ANKRD10: variants seen among roughly 807,000 people sequenced by gnomAD.
The protein encoded by ANKRD10 is ankyrin repeat domain-containing protein 10.
Under a neutral mutation model 27.0 loss-of-function variants are expected in ANKRD10, and 14 were observed. That is an observed-to-expected ratio of 0.52 (90% CI 0.34 to 0.81). The LOEUF (loss-of-function observed/expected upper bound fraction) is 0.81, where lower values mean the gene tolerates loss of function less well. ANKRD10 is among the 40% of genes least tolerant of loss of function. The pLI, the probability that ANKRD10 is intolerant of heterozygous loss-of-function variation, is 0.01. For missense variants in ANKRD10, 493 were observed against 544.0 expected, an observed-to-expected ratio of 0.91 and a Z score of 0.93; for synonymous variants, 250 against 224.5, an observed-to-expected ratio of 1.11 and a Z score of -1.01.
In ANKRD10 at chr13:110,906,034, C is replaced by G. The variant is rs145034489; in HGVS notation, c.454G>C (p.Asp152His). ...AAAGAATAAACGAAAGACACTTACT[C>G]GACGTGAGCCCCATTCGCCACAAGG... The part of the protein sequence containing the change: ...SALVANGAHV[D>H]LRNASGLTAA... The change falls in exon 3 of 6, where the codon GAC becomes CAC. Residue 152 changes from aspartate to histidine, a missense_variant and splice_region_variant. Asp to His is a moderately conservative substitution (Grantham distance 81). Coordinates refer to ENST00000267339, the MANE Select transcript of ANKRD10 (RefSeq NM_017664.4). 1 of 1,591,980 alleles carries G rather than the reference C, an allele frequency of 6.3e-7. No individual in the cohort carries two copies. The highest frequency in any genetic ancestry group is 8.6e-7 in the Non-Finnish European group (1 of 1,166,912).
At chr13:110,888,614 CATTTAACA>C (rs1342507157) in intron 4 of ANKRD10, among the ~76,000 whole-genome samples, 1 of 152,142 alleles carries the variant, frequency 6.6e-6, no homozygotes, top group Non-Finnish European at 1.5e-5. Flanking sequence ...AAACATCTAT[CATTTAACA>C]AACCAGCTGG....
At chr13:110,911,265 C>G (rs550940840) in intron 1 of ANKRD10, among the ~76,000 whole-genome samples, 2 of 151,416 alleles carry the variant, frequency 1.3e-5, no homozygotes, top group East Asian at 3.9e-4. Context: ...GCCTGGCCAA[C>G]ATGGTGAAAC....
intron 4 of ANKRD10, among the ~76,000 whole-genome samples, chr13:110,892,438 G>GAAAAAAAAAA (rs2065105005): frequency 3.6e-4 from 4 of 11,086 alleles, no homozygotes; most frequent in African/African-American, 1.3e-3. Context: ...AAAAAAAAAT[G>GAAAAAAAAAA]GTGGGAGAAT....
intron 3 of ANKRD10, among the ~76,000 whole-genome samples, chr13:110,896,741 TA>T (rs1378787661): frequency 6.6e-6 from 1 of 152,276 alleles, no homozygotes; most frequent in Non-Finnish European, 1.5e-5. Context: ...ATGGCTCTCA[TA>T]AAGCTTTATT....
chr13:110,892,987 G>A lies in ANKRD10; in HGVS notation c.691+41C>T. On this transcript the variant is annotated intron_variant, in intron 4 of 5. Transcript: ENST00000267339. ...TAAAAAGAAAACATATTACAGAAAG[G>A]AAAAATAAGTGTGCTCTTCCCACCC... is the stretch of plus-strand genomic sequence containing the variant. 5 of 1,603,542 alleles carry A rather than the reference G, an allele frequency of 3.1e-6. No individual in the cohort carries two copies. In the South Asian group the frequency reaches 5.6e-5, roughly 18 times the overall value.
At chr13:110,914,690 C>A (rs759349196) in intron 1 of ANKRD10, 35 bp downstream of exon 1, 1 of 1,536,270 alleles carries the variant, frequency 6.5e-7, no homozygotes, top group Non-Finnish European at 8.8e-7. Context: ...ACTGGACAGC[C>A]GGGGAAAATG....
At chr13:110,914,481 GC>G (rs34312303) in intron 1 of ANKRD10, 2 of 365,138 alleles carry the variant, frequency 5.5e-6, no homozygotes, top group African/African-American at 2.1e-5. Context: ...TGCGCCCTAG[GC>G]CCCTCCGGAC....
chr13:110,908,633 A>G (rs1313464460), intron 2 of ANKRD10, among the ~76,000 whole-genome samples: 2 of 152,208 alleles, frequency 1.3e-5, no homozygotes, highest in Non-Finnish European at 2.9e-5. Flanking sequence ...ATGAGAAATG[A>G]GAGAAACTGT....
intron 3 of ANKRD10, 24 bp downstream of exon 3, chr13:110,906,009 A>G (rs920650682): frequency 3.8e-6 from 6 of 1,562,342 alleles, no homozygotes; most frequent in East Asian, 4.6e-5. Flanking sequence ...CTTTAGCTGG[A>G]AAGAATAAAC....
chr13:110,903,332 C>A (rs549362441), intron 3 of ANKRD10: 1 of 150,172 alleles, frequency 6.7e-6, no homozygotes, highest in East Asian at 1.9e-4. Context: ...TAATCCTGTG[C>A]GTTTTAATTT....
chr13:110,908,887 G>A (rs192704329), intron 2 of ANKRD10, among the ~76,000 whole-genome samples: 324 of 152,338 alleles, frequency 2.1e-3, no homozygotes, highest in African/African-American at 7.3e-3. Context: ...CTAGGCACAT[G>A]TGAGGACTTG....
At chr13:110,896,867 C>T (rs895562462) in intron 3 of ANKRD10, among the ~76,000 whole-genome samples, 25 of 152,068 alleles carry the variant, frequency 1.6e-4, no homozygotes, top group Middle Eastern at 3.4e-3. Context: ...ATAGGTTATA[C>T]AAAAAAAGGC....
At chr13:110,900,451 G>A (rs1373249516) in intron 3 of ANKRD10, 1 of 1,071,370 alleles carries the variant, frequency 9.3e-7, no homozygotes, top group Non-Finnish European at 1.2e-6. Flanking sequence ...CATAAATTAG[G>A]TAAGCAAAGC....
intron 4 of ANKRD10, among the ~76,000 whole-genome samples, chr13:110,889,969 A>G (rs1471111285): frequency 6.6e-6 from 1 of 152,188 alleles, no homozygotes; most frequent in Non-Finnish European, 1.5e-5. Context: ...AACCCAGCTT[A>G]AACTCTTCTA....
chr13:110,914,559 A>T (rs2138911968), intron 1 of ANKRD10, 166 bp downstream of exon 1: 7 of 976,462 alleles, frequency 7.2e-6, no homozygotes, highest in Non-Finnish European at 9.3e-6. Context: ...CCGGGCCGCG[A>T]GCGCTGCCGC....
rs77577431 is a variant in ANKRD10, at chr13:110,904,931, C to T, written c.455+1102G>A. ...TGATTGACAGCCTCCGGTACCTACACACGTCGTGCATTAGCCTGTATGGTT... is the reference window on the plus strand; with the variant it reads ...TGATTGACAGCCTCCGGTACCTACATACGTCGTGCATTAGCCTGTATGGTT... On this transcript the variant is annotated intron_variant, in intron 3 of 5. Transcript: ENST00000267339. 657 of 152,294 alleles carry T rather than the reference C, an allele frequency of 4.3e-3. 9 individuals carry two copies. The highest frequency in any genetic ancestry group is 0.015 in the African/African-American group (629 of 41,560). 9.4% of individuals were successfully genotyped at this position (152,294 alleles called of 1,614,324 possible). A position where few individuals can be genotyped will look rare whatever the true frequency, so the allele number is the denominator to read the frequency against.
chr13:110,913,144 T>G (rs1314112076), intron 1 of ANKRD10, among the ~76,000 whole-genome samples: 1 of 152,254 alleles, frequency 6.6e-6, no homozygotes, highest in Non-Finnish European at 1.5e-5. Flanking sequence ...TTAAATTTTC[T>G]AAGTGACCAT....
At chr13:110,908,204 G>C (rs928398040) in intron 2 of ANKRD10, among the ~76,000 whole-genome samples, 2 of 152,078 alleles carry the variant, frequency 1.3e-5, no homozygotes, top group African/African-American at 4.8e-5. Flanking sequence ...GGCACCCTGG[G>C]TTTTCATAAA....
intron 3 of ANKRD10, among the ~76,000 whole-genome samples, chr13:110,898,255 C>T (rs796124642): frequency 7.9e-5 from 12 of 152,222 alleles, no homozygotes; most frequent in African/African-American, 2.6e-4. Context: ...TTGAGTTCCT[C>T]CAACTTTTTT....
Sources: allele counts gnomAD v4.1 joint callset (sites outside exome capture counted in the v4.1 genomes callset), GRCh38; gene constraint gnomAD v4.1.1; transcripts MANE v1.5; gene names NCBI Gene and HGNC (gene_info 2026-07-23, HGNC 2026-07-21).